Variants in KIAA1671 observed in about 807,000 individuals in gnomAD.
KIAA1671 encodes uncharacterized protein KIAA1671.
In KIAA1671, 52 loss-of-function variants were observed where a neutral mutation model predicts 131.2. The ratio of observed to expected loss-of-function variants is 0.40; its 90% CI spans 0.32 to 0.50. The LOEUF (loss-of-function observed/expected upper bound fraction) is 0.50, where lower values mean the gene tolerates loss of function less well. Ranked by LOEUF, KIAA1671 falls within the 20% of genes least tolerant of loss-of-function variation. The pLI is 0.73. For missense variants in KIAA1671, 2,360 were observed against 2,364.2 expected, an observed-to-expected ratio of 1.00 and a Z score of 0.04; for synonymous variants, 1,003 against 961.6, an observed-to-expected ratio of 1.04 and a Z score of -0.80.
In KIAA1671 at chr22:25,039,254, T is replaced by C. The variant is rs1204063194; in HGVS notation, c.2124T>C (p.Ser708=). Residue 708 remains serine (S), a synonymous_variant, in exon 5 of 13, where the codon TCT becomes TCC. Transcript: ENST00000358431. ...HTPLRDKYPL[S]ENHNNNTFLK... ...CTCTCCGGGACAAATACCCTTTGTC[T>C]GAAAACCACAATAATAACACCTTCC... 3.2e-6 allele frequency: 5 copies of C among 1,552,224 alleles called. No individual in the cohort carries two copies. The highest frequency in any genetic ancestry group is 3.5e-6 in the Non-Finnish European group (4 of 1,147,140).
At chr22:25,014,361 T>C (rs1198186653) in intron 1 of KIAA1671, 1 of 152,206 alleles carries the variant, frequency 6.6e-6, no homozygotes, top group Non-Finnish European at 1.5e-5. Flanking sequence ...CCTGTTTTTG[T>C]TGGAAATGTC....
intron 1 of KIAA1671, among the ~76,000 whole-genome samples, chr22:25,022,328 A>C (rs1277476503): frequency 1.3e-5 from 2 of 152,180 alleles, no homozygotes; most frequent in Non-Finnish European, 2.9e-5. Context: ...ATCTGGGAGA[A>C]AAGCTGCCAA....
intron 6 of KIAA1671, among the ~76,000 whole-genome samples, chr22:25,167,925 G>A (rs713725): frequency 0.26 from 38,931 of 152,036 alleles, 5,725 homozygotes; most frequent in East Asian, 0.48. Context: ...TCAAGTTTGC[G>A]CCTGTGCCCT....
chr22:25,075,201 G>C (rs1929039218), intron 6 of KIAA1671, among the ~76,000 whole-genome samples: 1 of 152,116 alleles, frequency 6.6e-6, no homozygotes, highest in African/African-American at 2.4e-5. Flanking sequence ...CACAGCTGAG[G>C]ACAGGGGTGC....
At chr22:24,957,046 A>G (rs1183056094) in intron 1 of KIAA1671, among the ~76,000 whole-genome samples, 1 of 152,148 alleles carries the variant, frequency 6.6e-6, no homozygotes, top group Non-Finnish European at 1.5e-5. Flanking sequence ...AAAGGTTCTT[A>G]TGTGAGTTTA....
chr22:25,187,438 T>C (rs887452489), intron 11 of KIAA1671, among the ~76,000 whole-genome samples: 1 of 152,088 alleles, frequency 6.6e-6, no homozygotes, highest in East Asian at 1.9e-4. Flanking sequence ...CATATGAATG[T>C]TTTCCCGTGC....
intron 6 of KIAA1671, among the ~76,000 whole-genome samples, chr22:25,140,440 A>C (rs972965632): frequency 1.3e-5 from 2 of 150,098 alleles, no homozygotes; most frequent in Non-Finnish European, 3.0e-5. Context: ...CGGTGGCACT[A>C]TCTTGGCTCC....
intron 6 of KIAA1671, among the ~76,000 whole-genome samples, chr22:25,127,505 C>T (rs925176733): frequency 3.9e-5 from 6 of 152,172 alleles, no homozygotes; most frequent in East Asian, 1.9e-4. Context: ...CTCTTCTTCC[C>T]GGCCTCTTTT....
chr22:25,103,852 T>C (rs1930844284), intron 6 of KIAA1671, among the ~76,000 whole-genome samples: 1 of 152,168 alleles, frequency 6.6e-6, no homozygotes, highest in South Asian at 2.1e-4. Context: ...GGAACATCAC[T>C]AATACGACTC....
At chr22:25,093,722 C>CTCTCTCTCTCTGTCTCTCTCTCTCTCTG (rs1568950899) in intron 6 of KIAA1671, among the ~76,000 whole-genome samples, 1 of 124,228 alleles carries the variant, frequency 8.0e-6, no homozygotes, top group Non-Finnish European at 1.6e-5. Context: ...CACACACACA[C>CTCTCTCTCTCTGTCTCTCTCTCTCTCTG]ACACACACAC....
intron 1 of KIAA1671, among the ~76,000 whole-genome samples, chr22:24,956,629 G>T (rs938074417): frequency 5.3e-5 from 8 of 152,166 alleles, no homozygotes; most frequent in Admixed American, 5.2e-4. Context: ...CACTTTGAGA[G>T]GCCGAGGCGG....
intron 6 of KIAA1671, among the ~76,000 whole-genome samples, chr22:25,070,720 T>G (rs1173367352): frequency 6.6e-6 from 1 of 152,052 alleles, no homozygotes; most frequent in African/African-American, 2.4e-5. Flanking sequence ...CTTCAGTGAG[T>G]TTTTCAGAAA....
Position 25,065,643 on chromosome 22 carries a change from TA to T in KIAA1671, c.4530+16280del, listed in dbSNP as rs1282643276. On this transcript the variant is annotated intron_variant, in intron 6 of 12. Transcript: ENST00000358431. ...TTTTTTAAAGAATTATTATTATTAT[TA>T]TTATTTTTTTTTTTTTGAGACAGTC... Among the ~76,000 whole-genome samples the T allele has an allele frequency of 2.0e-4, 30 of 151,258 alleles. No homozygotes were observed. The South Asian group carries it at 5.8e-3, about 29-fold the overall frequency.
At position 25,004,863 on chromosome 22, in the gene KIAA1671, G is replaced by A. The variant is rs934095865; in HGVS notation, c.-207-20770G>A. ...CGGGAGGCTGAGGCAGGAGAATGGC[G>A]TAAACCCAGGAGGCGGAGCTTGCAG... On this transcript the variant is annotated intron_variant, in intron 1 of 12. Coordinates refer to ENST00000358431, the MANE Select transcript of KIAA1671 (RefSeq NM_001145206.2). Among the ~76,000 whole-genome samples, 20 of 150,352 alleles carry A rather than the reference G, an allele frequency of 1.3e-4. No homozygotes were observed. In the East Asian group the frequency reaches 2.8e-3, roughly 21 times the overall value.
At chr22:24,967,723 T>G (rs1244585900) in intron 1 of KIAA1671, among the ~76,000 whole-genome samples, 1 of 152,174 alleles carries the variant, frequency 6.6e-6, no homozygotes, top group African/African-American at 2.4e-5. Context: ...CCGGGCGCGG[T>G]GGCTCACACC....
At chr22:25,061,977 T>A (rs1243567263) in intron 6 of KIAA1671, 2 of 152,284 alleles carry the variant, frequency 1.3e-5, no homozygotes, top group Non-Finnish European at 2.9e-5. Context: ...TTCCTCCTGT[T>A]TTTTCTCCTC....
intron 1 of KIAA1671, among the ~76,000 whole-genome samples, chr22:24,979,191 T>C (rs1441375635): frequency 1.4e-5 from 2 of 145,170 alleles, no homozygotes; most frequent in Admixed American, 1.4e-4. Flanking sequence ...TTTTTTTTTT[T>C]TTTAGTAGAG....
In KIAA1671 at chr22:25,128,470, A is replaced by C. The variant is rs573882661; in HGVS notation, c.4531-42350A>C. Among the ~76,000 whole-genome samples, 6 of 152,234 alleles carry C rather than the reference A, an allele frequency of 3.9e-5. No homozygotes were observed. In the South Asian group the frequency reaches 1.2e-3, roughly 32 times the overall value. On this transcript the variant is annotated intron_variant, in intron 6 of 12. Transcript: ENST00000358431. ...TGATTTGGAGAGGCTCAAGATTATA[A>C]TTCTGAATTTCCTGTTCAACAGCAA...
intron 6 of KIAA1671, among the ~76,000 whole-genome samples, chr22:25,113,438 A>T (rs1931486484): frequency 6.6e-6 from 1 of 152,242 alleles, no homozygotes; most frequent in Non-Finnish European, 1.5e-5. Flanking sequence ...GGACAGGCGA[A>T]GGGCTAAGCC....
Sources: allele counts gnomAD v4.1 joint callset (sites outside exome capture counted in the v4.1 genomes callset), GRCh38; gene constraint gnomAD v4.1.1; transcripts MANE v1.5; gene names NCBI Gene and HGNC (gene_info 2026-07-23, HGNC 2026-07-21).